Variants in DCDC1 observed in about 807,000 individuals in gnomAD.
DCDC1 encodes the protein doublecortin domain-containing protein 1.
Under a neutral mutation model 178.3 loss-of-function variants are expected in DCDC1, and 200 were observed. The observed-to-expected ratio is 1.12, with a 90% CI of 1.00 to 1.26. The LOEUF is 1.26. Among genes scored for constraint, DCDC1 ranks in the 50% most tolerant of loss-of-function variants. The probability of loss-of-function intolerance (pLI) is 0.00; values close to 1 mark genes in which losing one functional copy is unlikely to be tolerated. For missense variants in DCDC1, 1,983 were observed against 1,749.2 expected, an observed-to-expected ratio of 1.13 and a Z score of -2.38; for synonymous variants, 690 against 604.8, an observed-to-expected ratio of 1.14 and a Z score of -2.07.
At chr11:31,096,916 T>C (rs546931693) in intron 15 of DCDC1, among the ~76,000 whole-genome samples, 2 of 152,068 alleles carry the variant, frequency 1.3e-5, no homozygotes, top group South Asian at 4.1e-4. Flanking sequence ...TATGTATGTG[T>C]GTGTGTGTGT....
At chr11:31,344,268 CTT>C (rs1379357238) in intron 1 of DCDC1, among the ~76,000 whole-genome samples, 1 of 152,204 alleles carries the variant, frequency 6.6e-6, no homozygotes, top group Non-Finnish European at 1.5e-5. Flanking sequence ...AAGGCATTGA[CTT>C]ATGTTTTATT....
intron 15 of DCDC1, 115 bp downstream of exon 15, chr11:31,102,062 G>C (rs2135735993): frequency 4.1e-6 from 2 of 482,932 alleles, no homozygotes; most frequent in Non-Finnish European, 7.5e-6. Flanking sequence ...GGGTGACAGA[G>C]CAAGACTCCA....
chr11:31,101,221 T>G (rs796567447), intron 15 of DCDC1, among the ~76,000 whole-genome samples: 4 of 152,330 alleles, frequency 2.6e-5, no homozygotes, highest in East Asian at 3.9e-4. Context: ...TGACTTTTGA[T>G]TTTGATTTCA....
intron 20 of DCDC1, among the ~76,000 whole-genome samples, chr11:31,005,334 A>C (rs1206441204): frequency 6.6e-6 from 1 of 152,152 alleles, no homozygotes; most frequent in African/African-American, 2.4e-5. Flanking sequence ...ATTGCAGCCC[A>C]GATCTTCTAT....
intron 15 of DCDC1, among the ~76,000 whole-genome samples, chr11:31,098,294 A>G (rs1474988233): frequency 6.6e-6 from 1 of 152,218 alleles, no homozygotes; most frequent in Admixed American, 6.5e-5. Context: ...AACTGAGTCA[A>G]TCTAAAAATG....
intron 11 of DCDC1, among the ~76,000 whole-genome samples, chr11:31,114,145 G>C (rs773759201): frequency 5.9e-5 from 9 of 152,080 alleles, no homozygotes; most frequent in Non-Finnish European, 8.8e-5. Flanking sequence ...ACACTAACTA[G>C]ATTCCACTAC....
intron 20 of DCDC1, among the ~76,000 whole-genome samples, chr11:30,990,777 TAGTTAA>T (rs1471210101): frequency 2.6e-5 from 4 of 152,216 alleles, no homozygotes; most frequent in African/African-American, 9.6e-5. Context: ...AGTGGAATTG[TAGTTAA>T]AGTTATTTAG....
At chr11:31,187,108 C>G (rs562838780) in intron 9 of DCDC1, among the ~76,000 whole-genome samples, 1 of 152,194 alleles carries the variant, frequency 6.6e-6, no homozygotes, top group African/African-American at 2.4e-5. Flanking sequence ...CTTCAACATA[C>G]ATATCCAGAA....
intron 23 of DCDC1, 21 bp from the exon 24 acceptor site, chr11:30,922,659 T>C (rs1342574199): frequency 4.0e-6 from 6 of 1,493,968 alleles, no homozygotes; most frequent in Non-Finnish European, 5.3e-6. Flanking sequence ...AAGCATCTCT[T>C]ATCCTGTATA....
intron 21 of DCDC1, among the ~76,000 whole-genome samples, chr11:30,934,932 T>C (rs1947174955): frequency 6.6e-6 from 1 of 152,202 alleles, no homozygotes; most frequent in Non-Finnish European, 1.5e-5. Flanking sequence ...AAGTGTTTAT[T>C]AGGGTCTGGG....
At chr11:30,870,154 T>A (rs1228280265) in intron 38 of DCDC1, among the ~76,000 whole-genome samples, 3 of 152,188 alleles carry the variant, frequency 2.0e-5, no homozygotes, top group African/African-American at 7.2e-5. Context: ...GAAATCAACC[T>A]CTGCCATCAA....
chr11:31,210,710 CA>C (rs533444227), intron 9 of DCDC1, among the ~76,000 whole-genome samples: 947 of 51,386 alleles, frequency 0.018, 6 homozygotes, highest in African/African-American at 0.053. Flanking sequence ...GACTCCGTCT[CA>C]AAAAAAAAAA....
chr11:31,178,191 A>C (rs969334049), intron 9 of DCDC1, among the ~76,000 whole-genome samples: 4 of 152,242 alleles, frequency 2.6e-5, no homozygotes, highest in South Asian at 4.1e-4. Flanking sequence ...ATAAAAACAG[A>C]CTCACAGACC....
intron 20 of DCDC1, among the ~76,000 whole-genome samples, chr11:31,024,244 G>C (rs1240688246): frequency 6.6e-6 from 1 of 151,932 alleles, no homozygotes; most frequent in Non-Finnish European, 1.5e-5. Context: ...AGTAGAAAAA[G>C]CAGCAGTAGT....
intron 18 of DCDC1, among the ~76,000 whole-genome samples, chr11:31,067,380 TA>T (rs1956305600): frequency 6.6e-6 from 1 of 152,014 alleles, no homozygotes; most frequent in South Asian, 2.1e-4. Context: ...AAAACCTCAG[TA>T]AGGTAATACT....
chr11:30,904,477 C>T (rs1219853201), intron 31 of DCDC1: 1 of 168,032 alleles, frequency 6.0e-6, no homozygotes, highest in African/African-American at 2.4e-5. Flanking sequence ...GAGCAGCCCC[C>T]AAGGCAGACC....
intron 3 of DCDC1, among the ~76,000 whole-genome samples, chr11:31,312,452 G>A (rs550556082): frequency 3.7e-4 from 56 of 152,246 alleles, no homozygotes; most frequent in Middle Eastern, 6.8e-3. Flanking sequence ...AGATATCTGA[G>A]GAAACATTAT....
At chr11:31,269,175 G>C (rs1010085818) in intron 7 of DCDC1, among the ~76,000 whole-genome samples, 3 of 151,944 alleles carry the variant, frequency 2.0e-5, no homozygotes, top group African/African-American at 7.3e-5. Context: ...AATTATCAGT[G>C]GTATGAATTA....
At chr11:30,935,917 G>A (rs1947250235) in intron 21 of DCDC1, among the ~76,000 whole-genome samples, 1 of 152,090 alleles carries the variant, frequency 6.6e-6, no homozygotes, top group Admixed American at 6.6e-5. Context: ...CCCATGCACT[G>A]GTCTTTTTCC....
Sources: gnomAD v4.1 joint callset for allele counts (sites outside exome capture counted in the v4.1 genomes callset) on GRCh38, gnomAD v4.1.1 for gene constraint, MANE v1.5 for transcripts, NCBI Gene and HGNC (gene_info 2026-07-23, HGNC 2026-07-21) for gene names.